Variants in BCAS3 observed in about 807,000 individuals in gnomAD.
The protein encoded by BCAS3 is BCAS4/BCAS3 fusion.
A neutral mutation model predicts 116.1 loss-of-function variants in BCAS3; 53 were observed. The ratio of observed to expected loss-of-function variants is 0.46; its 90% CI spans 0.37 to 0.57. The LOEUF is 0.57. Ranked by LOEUF, BCAS3 falls within the 20% of genes least tolerant of loss-of-function variation. The pLI is 0.00. For synonymous variants in BCAS3, 391 were observed against 408.2 expected, an observed-to-expected ratio of 0.96 and a Z score of 0.51; for missense variants, 917 against 1,165.4, an observed-to-expected ratio of 0.79 and a Z score of 3.10.
chr17:61,239,524 T>G lies in BCAS3; in HGVS notation c.2426-128803T>G, dbSNP rs1443321096. ...ATGAGTAATTCTTTCTTTCTGACGT[T>G]AATCATTTGCATTTTATCAGTGGCT... On this transcript the variant is annotated intron_variant, in intron 22 of 23. Coordinates refer to ENST00000407086, the MANE Select transcript of BCAS3 (RefSeq NM_017679.5). The surrounding 1 kb of genome is among the most constrained non-coding windows in gnomAD (Gnocchi z 4.2). Among the ~76,000 whole-genome samples, 1 of 152,240 alleles carries G rather than the reference T, an allele frequency of 6.6e-6. No homozygotes were observed. The highest frequency in any genetic ancestry group is 1.9e-4 in the East Asian group (1 of 5,202).
chr17:60,748,866 A>G (rs1157525228), intron 6 of BCAS3: 1 of 152,170 alleles, frequency 6.6e-6, no homozygotes, highest in Non-Finnish European at 1.5e-5. Context: ...TTATATGGGT[A>G]AGTTTTCTGT....
chr17:60,822,271 C>A (rs2050030577), intron 7 of BCAS3, among the ~76,000 whole-genome samples: 1 of 152,064 alleles, frequency 6.6e-6, no homozygotes, highest in African/African-American at 2.4e-5. Flanking sequence ...TTTATTAAGT[C>A]TTTTTTATTT....
At position 61,161,904 on chromosome 17, in the gene BCAS3, C is replaced by T. The variant is rs536838450; in HGVS notation, c.2425+77340C>T. ...AAAGATGAGCAGCACGGATTTGCTG[C>T]GATGGTCAGAATTCAATTATATTAC... On this transcript the variant is annotated intron_variant, in intron 22 of 23. Coordinates refer to ENST00000407086, the MANE Select transcript of BCAS3 (RefSeq NM_017679.5). The surrounding 1 kb of genome is among the most constrained non-coding windows in gnomAD (Gnocchi z 4.8). 6.6e-5 allele frequency among the ~76,000 whole-genome samples: 10 copies of T among 152,202 alleles called. 1 individual carries two copies. In the South Asian group the frequency reaches 1.5e-3, roughly 22 times the overall value.
Position 61,259,693 on chromosome 17 carries a change from C to T in BCAS3, c.2426-108634C>T, listed in dbSNP as rs1227330477. On this transcript the variant is annotated intron_variant, in intron 22 of 23. Coordinates refer to ENST00000407086, the MANE Select transcript of BCAS3 (RefSeq NM_017679.5). The surrounding 1 kb of genome is among the most constrained non-coding windows in gnomAD (Gnocchi z 4.7). ...GGCTCATGTTCTGGTTCCAGGGCACCAGCCTTAGAGTGGGCAGTCGTTCAT... is the reference window on the plus strand; with the variant it reads ...GGCTCATGTTCTGGTTCCAGGGCACTAGCCTTAGAGTGGGCAGTCGTTCAT... Among the ~76,000 whole-genome samples the T allele has an allele frequency of 6.6e-6, 1 of 152,138 alleles. No individual in the cohort carries two copies. Among genetic ancestry groups the T allele is most frequent in the Non-Finnish European group, 1.5e-5 (1 of 68,026 alleles).
intron 18 of BCAS3, among the ~76,000 whole-genome samples, chr17:61,040,305 A>G (rs2145618930): frequency 6.6e-6 from 1 of 152,334 alleles, no homozygotes; most frequent in East Asian, 1.9e-4. Context: ...TTACTACACT[A>G]TCATTGTTGA....
chr17:60,935,038 G>C (rs768444304), intron 13 of BCAS3, among the ~76,000 whole-genome samples: 2 of 152,034 alleles, frequency 1.3e-5, no homozygotes, highest in Admixed American at 1.3e-4. Flanking sequence ...CATGCCCGTA[G>C]CTGTAATCCC....
Position 61,105,473 on chromosome 17 carries a change from G to A in BCAS3, c.2425+20909G>A, listed in dbSNP as rs1423925166. Among the ~76,000 whole-genome samples, 3 of 152,172 alleles carry A rather than the reference G, an allele frequency of 2.0e-5. No individual in the cohort carries two copies. The highest frequency in any genetic ancestry group is 4.4e-5 in the Non-Finnish European group (3 of 68,022). On this transcript the variant is annotated intron_variant, in intron 22 of 23. Coordinates refer to ENST00000407086, the MANE Select transcript of BCAS3 (RefSeq NM_017679.5). The surrounding 1 kb of genome is among the most constrained non-coding windows in gnomAD (Gnocchi z 4.3). ...GAGTTTCGCTCTTGTTGCCCAGGCT[G>A]CAGTGCAATGGCGCGACCTTGGCTC...
At chr17:60,752,652 T>C (rs1400165094) in intron 6 of BCAS3, among the ~76,000 whole-genome samples, 1 of 152,068 alleles carries the variant, frequency 6.6e-6, no homozygotes, top group African/African-American at 2.4e-5. Flanking sequence ...CTTGATCTCC[T>C]GACTGCGTGA....
intron 9 of BCAS3, 103 bp downstream of exon 9, chr17:60,874,841 T>G: frequency 1.6e-6 from 1 of 617,888 alleles, no homozygotes. Flanking sequence ...ACTTAATGTT[T>G]TCAATTTTGA....
intron 22 of BCAS3, among the ~76,000 whole-genome samples, chr17:61,093,557 A>G (rs2073769305): frequency 6.6e-6 from 1 of 152,192 alleles, no homozygotes; most frequent in Non-Finnish European, 1.5e-5. Flanking sequence ...ACTGCACTCT[A>G]GCCTAGGTGG....
chr17:61,076,223 A>G (rs1224106843), intron 20 of BCAS3, among the ~76,000 whole-genome samples: 1 of 152,220 alleles, frequency 6.6e-6, no homozygotes, highest in Non-Finnish European at 1.5e-5. Context: ...CATTTTATGA[A>G]GCTAATGACC....
At chr17:60,814,560 C>T (rs1486950157) in intron 7 of BCAS3, among the ~76,000 whole-genome samples, 1 of 151,892 alleles carries the variant, frequency 6.6e-6, no homozygotes, top group Admixed American at 6.6e-5. Context: ...TTATTTCTTT[C>T]TCTTGCCTGA....
intron 15 of BCAS3, among the ~76,000 whole-genome samples, chr17:61,001,827 AT>A (rs2145480406): frequency 6.6e-6 from 1 of 152,262 alleles, no homozygotes; most frequent in East Asian, 1.9e-4. Context: ...TTAAAAAAAA[AT>A]GTTGCTATAG....
chr17:61,067,740 A>AAAAAAATATATAT (rs1555697139), intron 19 of BCAS3, among the ~76,000 whole-genome samples: 1 of 133,742 alleles, frequency 7.5e-6, no homozygotes, highest in African/African-American at 3.3e-5. Context: ...AAAAAAAAAA[A>AAAAAAATATATAT]ATATATATAT....
At chr17:60,963,851 G>A (rs758146634) in intron 14 of BCAS3, among the ~76,000 whole-genome samples, 2 of 152,232 alleles carry the variant, frequency 1.3e-5, no homozygotes, top group East Asian at 3.9e-4. Flanking sequence ...CACCACACCC[G>A]GCCAAATGCT....
intron 6 of BCAS3, among the ~76,000 whole-genome samples, chr17:60,759,832 CTT>C (rs2043346952): frequency 6.6e-6 from 1 of 151,866 alleles, no homozygotes; most frequent in African/African-American, 2.4e-5. Flanking sequence ...GCCTGGCTAA[CTT>C]TTAAAAAATA....
At chr17:60,905,891 G>C (rs1483878349) in intron 11 of BCAS3, among the ~76,000 whole-genome samples, 5 of 152,204 alleles carry the variant, frequency 3.3e-5, no homozygotes, top group Non-Finnish European at 7.3e-5. Context: ...TGCATAGCAT[G>C]TGTAGAGGCT....
At chr17:61,342,033 C>T (rs2057196735) in intron 22 of BCAS3, among the ~76,000 whole-genome samples, 1 of 152,200 alleles carries the variant, frequency 6.6e-6, no homozygotes, top group Admixed American at 6.5e-5. Flanking sequence ...GACAGAGTCT[C>T]AGTCTTTCGC....
chr17:61,037,319 A>G lies in BCAS3; in HGVS notation c.1763-570A>G, dbSNP rs1015464. Among the ~76,000 whole-genome samples, 802 of 152,338 alleles carry G rather than the reference A, an allele frequency of 5.3e-3. 12 individuals are homozygous for G. The highest frequency in any genetic ancestry group is 0.03 in the Admixed American group (463 of 15,300). ...ACATTGTAGACAAGTACAAAAGTCTATGAAGGATTTTACTATATTAGGATT... is the reference window on the plus strand; with the variant it reads ...ACATTGTAGACAAGTACAAAAGTCTGTGAAGGATTTTACTATATTAGGATT... On this transcript the variant is annotated intron_variant, in intron 17 of 23. Coordinates refer to ENST00000407086, the MANE Select transcript of BCAS3 (RefSeq NM_017679.5). The surrounding 1 kb of genome is among the most constrained non-coding windows in gnomAD (Gnocchi z 4.7).
Sources: gnomAD v4.1 joint callset for allele counts (sites outside exome capture counted in the v4.1 genomes callset) on GRCh38, gnomAD v4.1.1 for gene constraint, Gnocchi (gnomAD v3.1) non-coding constraint, MANE v1.5 for transcripts, NCBI Gene and HGNC (gene_info 2026-07-23, HGNC 2026-07-21) for gene names.